Variants in DCLRE1B observed in about 807,000 individuals in gnomAD.
DCLRE1B encodes 5' exonuclease Apollo.
In DCLRE1B, 6 loss-of-function variants were observed where a neutral mutation model predicts 19.8. The ratio of observed to expected loss-of-function variants is 0.30; its 90% CI spans 0.17 to 0.60. DCLRE1B has a LOEUF of 0.60. DCLRE1B is among the 20% of genes least tolerant of loss of function. The pLI is 0.87. For missense variants in DCLRE1B, 622 were observed against 654.2 expected, an observed-to-expected ratio of 0.95 and a Z score of 0.54; for synonymous variants, 258 against 255.7, an observed-to-expected ratio of 1.01 and a Z score of -0.09.
Position 113,907,204 on chromosome 1 carries a change from G to GTTTTT in DCLRE1B, c.355+69_355+73dup, listed in dbSNP as rs71090746. ...TCCCAGTGACTTCTCCAGACTAGAT[G>GTTTTT]TTTTTTTTTTTTTTTTTTTTTTTTT... On this transcript the variant is annotated intron_variant, in intron 2 of 3. Coordinates refer to ENST00000650450, the MANE Select transcript of DCLRE1B (RefSeq NM_022836.4). The GTTTTT allele has an allele frequency of 1.8e-3, 902 of 492,214 alleles. 103 individuals are homozygous for GTTTTT. The highest frequency in any genetic ancestry group is 8.7e-3 in the South Asian group (185 of 21,310). The allele number at this position is 492,214 out of a possible 1,614,324, so 30.5% of individuals were successfully genotyped here.
rs1669267920 is a variant in DCLRE1B, at chr1:113,911,719, A to G, written c.1127A>G (p.Glu376Gly). The G allele has an allele frequency of 1.2e-6, 2 of 1,614,044 alleles. No individual in the cohort carries two copies. ...ADRDSKKAKK[E>G]KLSPWPADLE... Reference sequence around the variant, plus strand: ...AGAGACTCAAAGAAGGCCAAGAAAGAGAAACTTTCTCCCTGGCCTGCGGAC... The same window carrying G: ...AGAGACTCAAAGAAGGCCAAGAAAGGGAAACTTTCTCCCTGGCCTGCGGAC... The change falls in exon 4 of 4, where the codon GAG becomes GGG. Residue 376 changes from glutamate (E) to glycine (G), a missense_variant. Coordinates refer to ENST00000650450, the MANE Select transcript of DCLRE1B (RefSeq NM_022836.4).
At position 113,907,222 on chromosome 1, in the gene DCLRE1B, T is replaced by A. The variant is rs1048019535; in HGVS notation, c.355+61T>A. 20 of 1,327,162 alleles carry A rather than the reference T, an allele frequency of 1.5e-5. No individual in the cohort carries two copies. The Admixed American group carries it at 2.9e-4, about 19-fold the overall frequency. 82.2% of individuals were successfully genotyped at this position (1,327,162 alleles called of 1,614,324 possible). ...ACTAGATGTTTTTTTTTTTTTTTTT[T>A]TTTTTTTTTTTTAATGTATAGACTG... On this transcript the variant is annotated intron_variant, in intron 2 of 3. Coordinates refer to ENST00000650450, the MANE Select transcript of DCLRE1B (RefSeq NM_022836.4).
intron 2 of DCLRE1B, 55 bp downstream of exon 2, chr1:113,907,216 T>G (rs535447114): frequency 3.8e-5 from 45 of 1,174,190 alleles, no homozygotes; most frequent in Non-Finnish European, 4.9e-5. Flanking sequence ...TTTTTTTTTT[T>G]TTTTTTTTTT....
chr1:113,904,666 A>C (rs777755720), upstream of DCLRE1B: 5 of 1,613,276 alleles, frequency 3.1e-6, no homozygotes, highest in Admixed American at 8.3e-5. Flanking sequence ...TGAGGATTGC[A>C]CAGAGCCTTC....
rs1210190520 is a variant in DCLRE1B at position 113,913,038 on chromosome 1, C to T, written c.*847C>T. ...TGTCAGATATTCCTCCAATTGTTCA[C>T]ATAGCTGGGATATTTGTTGCTCCCC... On this transcript the variant is annotated 3_prime_UTR_variant, in exon 4 of 4. Transcript: ENST00000650450. 6.5e-6 allele frequency: 1 copy of T among 152,812 alleles called. No homozygotes were observed. The highest frequency in any genetic ancestry group is 1.5e-5 in the Non-Finnish European group (1 of 68,056). 9.5% of individuals were successfully genotyped at this position (152,812 alleles called of 1,614,324 possible).
chr1:113,905,393 G>A lies in DCLRE1B; in HGVS notation c.-194G>A. 1 of 613,694 alleles carries A rather than the reference G, an allele frequency of 1.6e-6. No individual in the cohort carries two copies. Among genetic ancestry groups the A allele is most frequent in the Non-Finnish European group, 2.7e-6 (1 of 363,856 alleles). 38.0% of individuals were successfully genotyped at this position (613,694 alleles called of 1,614,324 possible). ...AGTGTCCAGCGCCCTCCGCGATTTG[G>A]GCTCCAGCGGGCAGGGTGACTTCCT... is the stretch of plus-strand genomic sequence containing the variant. On this transcript the variant is annotated 5_prime_UTR_variant, in exon 1 of 4. Transcript: ENST00000650450.
rs767250357 is a variant in DCLRE1B, at chr1:113,911,391, G to C, written c.799G>C (p.Asp267His). 3.1e-6 allele frequency: 5 copies of C among 1,614,134 alleles called. No individual in the cohort carries two copies. Among genetic ancestry groups the C allele is most frequent in the Non-Finnish European group, 4.2e-6 (5 of 1,180,020 alleles). ...CCGAAAAATCCACAGCTCCCACCCT[G>C]ATATCCACGTCATCCCTTACTCTGA... ...TSRKIHSSHP[D>H]IHVIPYSDHS... The change falls in exon 4 of 4, where the codon GAT becomes CAT. Residue 267 changes from aspartate to histidine, a missense_variant. By Grantham distance (81) the Asp-to-His change is moderately conservative (BLOSUM62 -1). Coordinates refer to ENST00000650450, the MANE Select transcript of DCLRE1B (RefSeq NM_022836.4).
rs1287419681 is a variant in DCLRE1B, at chr1:113,908,026, C to T, written c.373C>T (p.Pro125Ser). The T allele has an allele frequency of 6.2e-7, 1 of 1,613,840 alleles. No homozygotes were observed. Among genetic ancestry groups the T allele is most frequent in the South Asian group, 1.1e-5 (1 of 91,030 alleles). The part of the protein sequence containing the change: ...ILYTGDFRYT[P>S]SMLKEPALTL... The stretch of plus-strand genomic sequence containing the variant: ...TCCTCCAGGTGATTTTCGATACACA[C>T]CATCCATGCTAAAGGAGCCAGCCCT... Residue 125 changes from proline to serine, a missense_variant, in exon 3 of 4, where the codon CCA becomes TCA. Coordinates refer to ENST00000650450, the MANE Select transcript of DCLRE1B (RefSeq NM_022836.4).
chr1:113,911,672 T>C lies in DCLRE1B; in HGVS notation c.1080T>C (p.Ser360=). The stretch of plus-strand genomic sequence containing the variant: ...TTGTGTTTGAATCCCCTGAGGAAAG[T>C]GCTGATCAATCTCAAGCTGACAGAG... ...QGVVFESPEE[S]ADQSQADRDS... is the part of the protein sequence containing the mutation. The change falls in exon 4 of 4, where the codon AGT becomes AGC. Residue 360 remains serine (S), a synonymous_variant. Transcript: ENST00000650450. The C allele has an allele frequency of 6.2e-7, 1 of 1,612,472 alleles. No homozygotes were observed. Among genetic ancestry groups the C allele is most frequent in the East Asian group, 2.2e-5 (1 of 44,842 alleles).
At chr1:113,907,416 C>G (rs1669077087) in intron 2 of DCLRE1B, among the ~76,000 whole-genome samples, 1 of 151,872 alleles carries the variant, frequency 6.6e-6, no homozygotes, top group South Asian at 2.1e-4. Context: ...GGCCTTCTAA[C>G]TTCATCACAT....
chr1:113,908,450 A>G (rs1669126160), intron 3 of DCLRE1B, among the ~76,000 whole-genome samples: 2 of 152,192 alleles, frequency 1.3e-5, no homozygotes, highest in African/African-American at 4.8e-5. Context: ...TCTACAAAAA[A>G]TTTAAAAATC....
chr1:113,906,789 G>A (rs930314647), intron 1 of DCLRE1B, among the ~76,000 whole-genome samples: 8 of 152,092 alleles, frequency 5.3e-5, no homozygotes, highest in African/African-American at 1.4e-4. Context: ...CACCACGCCC[G>A]GCCAGCTGAA....
chr1:113,906,791 C>T (rs972253653), intron 1 of DCLRE1B, among the ~76,000 whole-genome samples: 17 of 152,218 alleles, frequency 1.1e-4, no homozygotes, highest in Non-Finnish European at 1.6e-4. Context: ...CCACGCCCGG[C>T]CAGCTGAACT....
intron 3 of DCLRE1B, among the ~76,000 whole-genome samples, chr1:113,910,195 T>G (rs1669202487): frequency 6.6e-6 from 1 of 152,208 alleles, no homozygotes; most frequent in Non-Finnish European, 1.5e-5. Flanking sequence ...CTGAGCATAT[T>G]ATTCTTATGA....
Position 113,911,404 on chromosome 1 carries a change from T to C in DCLRE1B, c.812T>C (p.Ile271Thr). ...AGCTCCCACCCTGATATCCACGTCATCCCTTACTCTGACCATTCCTCTTAC... is the reference window on the plus strand; with the variant it reads ...AGCTCCCACCCTGATATCCACGTCACCCCTTACTCTGACCATTCCTCTTAC... ...IHSSHPDIHV[I>T]PYSDHSSYSE... The change falls in exon 4 of 4, where the codon ATC becomes ACC. Residue 271 changes from isoleucine to threonine, a missense_variant. By Grantham distance (89) the Ile-to-Thr change is moderately conservative. Around this residue, in one of 3 missense-constraint regions of DCLRE1B, gnomAD observed 382 missense variants for 412.5 expected, o/e 0.93. Transcript: ENST00000650450. The C allele has an allele frequency of 6.2e-7, 1 of 1,614,198 alleles. No homozygotes were observed. The highest frequency in any genetic ancestry group is 8.5e-7 in the Non-Finnish European group (1 of 1,180,024).
At chr1:113,907,616 C>T (rs1208297725) in intron 2 of DCLRE1B, among the ~76,000 whole-genome samples, 2 of 151,998 alleles carry the variant, frequency 1.3e-5, no homozygotes, top group Non-Finnish European at 2.9e-5. Flanking sequence ...ATGACAGGCG[C>T]CTGCCACCAC....
At chr1:113,906,700 AG>A (rs1474530860) in intron 1 of DCLRE1B, among the ~76,000 whole-genome samples, 1 of 150,948 alleles carries the variant, frequency 6.6e-6, no homozygotes, top group African/African-American at 2.4e-5. Context: ...TCACCGTGTT[AG>A]CCAGGATGGT....
Position 113,907,092 on chromosome 1 carries a change from G to A in DCLRE1B, c.286G>A (p.Asp96Asn). 2 of 1,612,646 alleles carry A rather than the reference G, an allele frequency of 1.2e-6. No individual in the cohort carries two copies. Among genetic ancestry groups the A allele is most frequent in the Non-Finnish European group, 1.7e-6 (2 of 1,179,814 alleles). Reference protein sequence around the residue: ...GQETMTVTLLDANHCPGSVMF... With the variant: ...GQETMTVTLLNANHCPGSVMF... ...AGAGACCATGACCGTAACCCTCCTC[G>A]ATGCCAATCACTGTCCTGGTTCTGT... is the stretch of plus-strand genomic sequence containing the variant. Residue 96 changes from aspartate (D) to asparagine (N), a missense_variant, in exon 2 of 4, where the codon GAT becomes AAT. Asp to Asn is a conservative substitution (Grantham distance 23). Transcript: ENST00000650450.
At chr1:113,911,060 T>G in intron 3 of DCLRE1B, 71 bp from the exon 4 acceptor site, 7 of 1,397,226 alleles carry the variant, frequency 5.0e-6, no homozygotes, top group Non-Finnish European at 6.8e-6. Flanking sequence ...TTTTGTTGAT[T>G]TATTAGGATT....
Sources: gnomAD v4.1 joint callset for allele counts (sites outside exome capture counted in the v4.1 genomes callset) on GRCh38, gnomAD v4.1.1 for gene constraint, gnomAD v4.1.1 regional missense constraint, MANE v1.5 for transcripts, NCBI Gene and HGNC (gene_info 2026-07-23, HGNC 2026-07-21) for gene names.